Variants in ZNF583 observed in about 807,000 individuals in gnomAD.
The protein encoded by ZNF583 is zinc finger protein L3-5.
ZNF583 carries 30 observed loss-of-function variants against 55.3 expected under a neutral mutation model. The observed-to-expected ratio is 0.54, with a 90% CI of 0.41 to 0.74. The LOEUF is 0.74. Ranked by LOEUF, ZNF583 falls within the 30% of genes least tolerant of loss-of-function variation. The pLI is 0.00. For synonymous variants in ZNF583, 208 were observed against 220.0 expected (o/e 0.95, Z 0.48); for missense variants, 504 against 664.7 (o/e 0.76, Z 2.66).
In ZNF583 at chr19:56,424,255, G is replaced by T; in HGVS notation, c.1597G>T (p.Ala533Ser). 1 of 1,613,972 alleles carries T rather than the reference G, an allele frequency of 6.2e-7. No individual in the cohort carries two copies. Among genetic ancestry groups the T allele is most frequent in the East Asian group, 2.2e-5 (1 of 44,864 alleles). The change falls in exon 5 of 5, where the codon GCA becomes TCA. Residue 533 changes from alanine (A) to serine (S), a missense_variant. This residue lies in a region of ZNF583 where 63 missense variants were observed against 56.5 expected (regional missense o/e 1.11). Transcript: ENST00000333201. ...TTGCAGGAAATCTTTCAGGCAGCGT[G>T]CACATCTTGCTCATCATGAGAGAAT... ...KDCRKSFRQRAHLAHHERIHT... is the reference protein window; with the variant it reads ...KDCRKSFRQRSHLAHHERIHT...
chr19:56,407,015 T>C lies in ZNF583; in HGVS notation c.-89-11T>C. 7.0e-7 allele frequency: 1 copy of C among 1,435,728 alleles called. No homozygotes were observed. The allele number at this position is 1,435,728 out of a possible 1,614,324, so 88.9% of individuals were successfully genotyped here. A position where few individuals can be genotyped will look rare whatever the true frequency, so the allele number is the denominator to read the frequency against. On this transcript the variant is annotated splice_polypyrimidine_tract_variant and intron_variant, in intron 1 of 4. Transcript: ENST00000333201. ...AGGCCTGGCATTTTATGGTTTCTTT[T>C]CCTTCTCCAGCTCGACTTTCTCAGG...
intron 2 of ZNF583, among the ~76,000 whole-genome samples, chr19:56,413,413 C>G (rs899452730): frequency 1.3e-5 from 2 of 152,070 alleles, no homozygotes; most frequent in African/African-American, 4.8e-5. Context: ...TTTACTGTTT[C>G]TATTATATAT....
At chr19:56,420,688 A>G (rs1281608828) in intron 4 of ZNF583, among the ~76,000 whole-genome samples, 2 of 152,130 alleles carry the variant, frequency 1.3e-5, no homozygotes, top group African/African-American at 4.8e-5. Context: ...TTTAAAGTCT[A>G]TTTTATCTGA....
rs2042482612 is a variant in ZNF583 at position 56,425,092 on chromosome 19, A to C, written c.*724A>C. ...GAATGGTAGGCATTTTTCTAAAAGT[A>C]GGTGAGGAGGGTATCTAACAGTAGG... On this transcript the variant is annotated 3_prime_UTR_variant, in exon 5 of 5. Transcript: ENST00000333201. The C allele has an allele frequency of 6.6e-6, 1 of 152,030 alleles. No individual in the cohort carries two copies. The highest frequency in any genetic ancestry group is 1.5e-5 in the Non-Finnish European group (1 of 68,018). 9.4% of individuals were successfully genotyped at this position (152,030 alleles called of 1,614,324 possible). A position where few individuals can be genotyped will look rare whatever the true frequency, so the allele number is the denominator to read the frequency against.
intron 2 of ZNF583, among the ~76,000 whole-genome samples, chr19:56,409,193 G>C (rs747440526): frequency 1.3e-5 from 2 of 152,052 alleles, no homozygotes; most frequent in Non-Finnish European, 2.9e-5. Flanking sequence ...TCCTTTGTTA[G>C]AATATTAAGA....
chr19:56,410,142 T>G (rs1193850719), intron 2 of ZNF583, among the ~76,000 whole-genome samples: 1 of 152,194 alleles, frequency 6.6e-6, no homozygotes, highest in Non-Finnish European at 1.5e-5. Context: ...TTTTCATGCT[T>G]CCATTTTCCT....
chr19:56,405,036 T>A (rs1459775553), intron 1 of ZNF583, among the ~76,000 whole-genome samples: 3 of 152,090 alleles, frequency 2.0e-5, no homozygotes, highest in Non-Finnish European at 2.9e-5. Flanking sequence ...TGTGACAGTA[T>A]GTGAGACCAT....
rs531202712 is a variant in ZNF583, at chr19:56,404,368, A to G, written c.-174A>G. Reference sequence around the variant, plus strand: ...GCCTTTGTGAGCGCGGCCGCCGGCCAGGATCGAGCCCTGGCCCGGGCCCTG... The same window carrying G: ...GCCTTTGTGAGCGCGGCCGCCGGCCGGGATCGAGCCCTGGCCCGGGCCCTG... On this transcript the variant is annotated 5_prime_UTR_variant, in exon 1 of 5. Coordinates refer to ENST00000333201, the MANE Select transcript of ZNF583 (RefSeq NM_152478.3). This position sits in a 1 kb window ranked among gnomAD's most constrained non-coding sequence, Gnocchi z 5.2. The G allele has an allele frequency of 1.4e-4, 21 of 152,482 alleles. No homozygotes were observed. The highest frequency in any genetic ancestry group is 5.1e-4 in the African/African-American group (21 of 41,580). The allele number at this position is 152,482 out of a possible 1,614,324, so 9.4% of individuals were successfully genotyped here.
chr19:56,407,847 T>C (rs1212302434), intron 2 of ZNF583, among the ~76,000 whole-genome samples: 1 of 152,222 alleles, frequency 6.6e-6, no homozygotes, highest in African/African-American at 2.4e-5. Context: ...TGTATATGTC[T>C]ATAATAATGA....
At chr19:56,419,026 A>G (rs2042372548) in intron 4 of ZNF583, among the ~76,000 whole-genome samples, 1 of 152,014 alleles carries the variant, frequency 6.6e-6, no homozygotes, top group South Asian at 2.1e-4. Flanking sequence ...TAACCTTTTA[A>G]TATGGTGAAT....
At position 56,424,182 on chromosome 19, in the gene ZNF583, T is replaced by C. The variant is rs1401732560; in HGVS notation, c.1524T>C (p.Thr508=). ...CATTTAGCTATAGTGGATCTCTTACTCTACATCAGAGAATTCATACTGGAG... is the reference window on the plus strand; with the variant it reads ...CATTTAGCTATAGTGGATCTCTTACCCTACATCAGAGAATTCATACTGGAG... ...GKAFSYSGSL[T]LHQRIHTGER... is the part of the protein sequence containing the mutation. Residue 508 remains threonine, a synonymous_variant, in exon 5 of 5, where the codon ACT becomes ACC. Transcript: ENST00000333201. 1.2e-6 allele frequency: 2 copies of C among 1,612,010 alleles called. No individual in the cohort carries two copies. The highest frequency in any genetic ancestry group is 1.1e-5 in the South Asian group (1 of 90,890).
rs771268792 is a variant in ZNF583 at position 56,423,558 on chromosome 19, A to G, written c.900A>G (p.Glu300=). 40 of 1,613,636 alleles carry G rather than the reference A, an allele frequency of 2.5e-5. No individual in the cohort carries two copies. Among genetic ancestry groups the G allele is most frequent in the Non-Finnish European group, 3.3e-5 (39 of 1,179,956 alleles). Residue 300 remains glutamate (E), a synonymous_variant, in exon 5 of 5, where the codon GAA becomes GAG. Coordinates refer to ENST00000333201, the MANE Select transcript of ZNF583 (RefSeq NM_152478.3). ...HTGEKPYQCK[E]CKKAFSQIAH... ...GAGAGAAACCTTATCAGTGTAAAGA[A>G]TGTAAAAAAGCCTTCAGCCAGATTG... is the stretch of plus-strand genomic sequence containing the variant.
chr19:56,414,136 A>G (rs745657182), intron 3 of ZNF583, 51 bp downstream of exon 3: 17 of 1,553,442 alleles, frequency 1.1e-5, no homozygotes, highest in South Asian at 3.8e-5. Context: ...CTGAGCTCCA[A>G]TGTAATATTT....
rs2042488202 is a variant in ZNF583, at chr19:56,425,742, GAAGAA to G, written c.*1381_*1385del. 1 of 152,114 alleles carries G rather than the reference GAAGAA, an allele frequency of 6.6e-6. No individual in the cohort carries two copies. Among genetic ancestry groups the G allele is most frequent in the Non-Finnish European group, 1.5e-5 (1 of 68,004 alleles). 9.4% of individuals were successfully genotyped at this position (152,114 alleles called of 1,614,324 possible). On this transcript the variant is annotated 3_prime_UTR_variant, in exon 5 of 5. Coordinates refer to ENST00000333201, the MANE Select transcript of ZNF583 (RefSeq NM_152478.3). Reference sequence around the variant, plus strand: ...AAATTACTAAAATTTCAAAACTAGTGAAGAAAAGAAACCAAAACTGTAGGTCAGTT... The same window carrying G: ...AAATTACTAAAATTTCAAAACTAGTGAAGAAACCAAAACTGTAGGTCAGTT...
rs1170277878 is a variant in ZNF583 at position 56,426,185 on chromosome 19, C to G, written c.*1817C>G. ...GTGAACATACATATTCATGCTGTTA[C>G]ACATATAAAGAAAATTATAACAAAA... On this transcript the variant is annotated 3_prime_UTR_variant, in exon 5 of 5. Transcript: ENST00000333201. 6.6e-6 allele frequency: 1 copy of G among 152,146 alleles called. No homozygotes were observed. Among genetic ancestry groups the G allele is most frequent in the African/African-American group, 2.4e-5 (1 of 41,426 alleles). The allele number at this position is 152,146 out of a possible 1,614,324, so 9.4% of individuals were successfully genotyped here. A position where few individuals can be genotyped will look rare whatever the true frequency, so the allele number is the denominator to read the frequency against.
rs780120743 is a variant in ZNF583, at chr19:56,407,132, G to A, written c.9+9G>A. On this transcript the variant is annotated intron_variant, in intron 2 of 4. Coordinates refer to ENST00000333201, the MANE Select transcript of ZNF583 (RefSeq NM_152478.3). ...TTAAAGCCATGTCCAAGGTAAGGAA[G>A]CATTTCTTCTCTCTTCCCTAAAATG... 23 of 1,614,048 alleles carry A rather than the reference G, an allele frequency of 1.4e-5. No individual in the cohort carries two copies. The Admixed American group carries it at 3.7e-4, about 26-fold the overall frequency.
At chr19:56,409,860 C>CT (rs138309593) in intron 2 of ZNF583, among the ~76,000 whole-genome samples, 3,921 of 151,844 alleles carry the variant, frequency 0.026, 179 homozygotes, top group African/African-American at 0.088. Flanking sequence ...TTTGTTTCTC[C>CT]TTTTTTGCTT....
intron 4 of ZNF583, among the ~76,000 whole-genome samples, chr19:56,417,092 C>G (rs537963589): frequency 1.3e-5 from 2 of 152,218 alleles, no homozygotes; most frequent in East Asian, 1.9e-4. Context: ...ATCCATTCAC[C>G]TGGTGATGGA....
At position 56,409,257 on chromosome 19, in the gene ZNF583, G is replaced by T. The variant is rs189659268; in HGVS notation, c.9+2134G>T. ...ATTCCTGACTCTTAGAATAGTGCCT[G>T]GTTGGTAATAGGCATTCAGATGAAT... On this transcript the variant is annotated intron_variant, in intron 2 of 4. Coordinates refer to ENST00000333201, the MANE Select transcript of ZNF583 (RefSeq NM_152478.3). Among the ~76,000 whole-genome samples the T allele has an allele frequency of 7.8e-4, 119 of 152,312 alleles. 1 individual carries two copies. Among genetic ancestry groups the T allele is most frequent in the Non-Finnish European group, 1.5e-3 (99 of 68,034 alleles).
Sources: gnomAD v4.1 joint callset for allele counts (sites outside exome capture counted in the v4.1 genomes callset) on GRCh38, gnomAD v4.1.1 for gene constraint, gnomAD v4.1.1 regional missense constraint, Gnocchi (gnomAD v3.1) non-coding constraint, MANE v1.5 for transcripts, NCBI Gene and HGNC (gene_info 2026-07-23, HGNC 2026-07-21) for gene names.